RIN3: variants seen among roughly 807,000 people sequenced by gnomAD.
RIN3 encodes the protein RAB5 interacting protein 3.
RIN3 carries 54 observed loss-of-function variants against 76.3 expected under a neutral mutation model. The ratio of observed to expected loss-of-function variants is 0.71; its 90% CI spans 0.57 to 0.89. RIN3 has a LOEUF of 0.89. RIN3 is among the 40% of genes least tolerant of loss of function. The probability of loss-of-function intolerance (pLI) is 0.00; values close to 1 mark genes in which losing one functional copy is unlikely to be tolerated. For synonymous variants in RIN3, 576 were observed against 564.0 expected, an observed-to-expected ratio of 1.02 and a Z score of -0.30; for missense variants, 1,256 against 1,322.1, an observed-to-expected ratio of 0.95 and a Z score of 0.78.
chr14:92,653,103 G>C (rs1887536249), intron 6 of RIN3, 28 bp downstream of exon 6: 1 of 1,580,326 alleles, frequency 6.3e-7, no homozygotes, highest in Non-Finnish European at 8.6e-7. Context: ...AGGTGGCAGG[G>C]AGGAGAGGGC....
At chr14:92,654,766 A>C (rs1887602683) in intron 6 of RIN3, among the ~76,000 whole-genome samples, 1 of 152,030 alleles carries the variant, frequency 6.6e-6, no homozygotes, top group Non-Finnish European at 1.5e-5. Flanking sequence ...TGGGCACCCA[A>C]CTCCGCATCA....
chr14:92,551,656 C>A (rs570826202), intron 1 of RIN3, among the ~76,000 whole-genome samples: 12 of 152,236 alleles, frequency 7.9e-5, no homozygotes, highest in African/African-American at 2.9e-4. Context: ...GTGGTTGTGC[C>A]GTGGTATCGC....
chr14:92,564,348 C>T (rs1048158705), intron 2 of RIN3, among the ~76,000 whole-genome samples: 1 of 152,284 alleles, frequency 6.6e-6, no homozygotes, highest in Middle Eastern at 3.4e-3. Flanking sequence ...TGAAGATAGA[C>T]AGGAAGAGGG....
rs913712212 is a variant in RIN3 at position 92,687,753 on chromosome 14, G to C, written c.2632-173G>C. On this transcript the variant is annotated intron_variant, in intron 9 of 9. Coordinates refer to ENST00000216487, the MANE Select transcript of RIN3 (RefSeq NM_024832.5). The stretch of plus-strand genomic sequence containing the variant: ...CCCAGCTGGGAAGCCAGGCAGGGAG[G>C]GGGACGGGCCCCCCGCAGGCTCGCG... 5.2e-6 allele frequency: 3 copies of C among 575,870 alleles called. No individual in the cohort carries two copies. In the Admixed American group the frequency reaches 1.1e-4, roughly 22 times the overall value. 35.7% of individuals were successfully genotyped at this position (575,870 alleles called of 1,614,324 possible).
At position 92,607,211 on chromosome 14, in the gene RIN3, C is replaced by T. The variant is rs570861783; in HGVS notation, c.368-8196C>T. Among the ~76,000 whole-genome samples the T allele has an allele frequency of 2.6e-5, 4 of 152,334 alleles. No homozygotes were observed. The East Asian group carries it at 7.7e-4, about 29-fold the overall frequency. On this transcript the variant is annotated intron_variant, in intron 3 of 9. Transcript: ENST00000216487. ...ATTAAAACCACAATGAGATATCACT[C>T]TTCACCTATTGGAATGGTTAAAATA...
At chr14:92,567,325 A>G (rs1243309152) in intron 2 of RIN3, among the ~76,000 whole-genome samples, 2 of 152,188 alleles carry the variant, frequency 1.3e-5, no homozygotes, top group Non-Finnish European at 2.9e-5. Context: ...ACTATTTTAT[A>G]TTTGCTCACA....
chr14:92,651,993 C>T lies in RIN3; in HGVS notation c.944C>T (p.Pro315Leu), dbSNP rs752565166. ...CCTGCCTGTCCTTTGCCCACCTCTC[C>T]CCCAGTGCCTGCCCCCCACGTCACA... is the stretch of plus-strand genomic sequence containing the variant. Reference protein sequence around the residue: ...PAPACPLPTSPPVPAPHVTPH... With the variant: ...PAPACPLPTSLPVPAPHVTPH... The change falls in exon 6 of 10, where the codon CCC (proline) becomes CTC (leucine). Residue 315 changes from proline (P) to leucine (L), a missense_variant. Pro to Leu is a moderately conservative substitution (Grantham distance 98). This residue lies in a region of RIN3 where 610 missense variants were observed against 626.4 expected (regional missense o/e 0.97). Transcript: ENST00000216487. 1.2e-5 allele frequency: 19 copies of T among 1,534,974 alleles called. No homozygotes were observed. The East Asian group carries it at 3.9e-4, about 31-fold the overall frequency.
Position 92,652,864 on chromosome 14 carries a change from G to A in RIN3, c.1815G>A (p.Val605=), listed in dbSNP as rs781431707. ...ACAACCGCAAGCTGTACAAGAAGGT[G>A]GTGGAGCTGGCGCAGGACAAGGGCT... ...LSNNRKLYKK[V]VELAQDKGSY... The change falls in exon 6 of 10, where the codon GTG becomes GTA. Residue 605 remains valine, a synonymous_variant. Transcript: ENST00000216487. This position sits in a 1 kb window ranked among gnomAD's most constrained non-coding sequence, Gnocchi z 6.4. The A allele has an allele frequency of 1.9e-6, 3 of 1,614,146 alleles. No homozygotes were observed. Among genetic ancestry groups the A allele is most frequent in the East Asian group, 4.5e-5 (2 of 44,886 alleles).
At chr14:92,603,291 A>G (rs1012588880) in intron 3 of RIN3, among the ~76,000 whole-genome samples, 8 of 152,038 alleles carry the variant, frequency 5.3e-5, no homozygotes, top group African/African-American at 1.7e-4. Flanking sequence ...TTTTCAGCAC[A>G]TTTTCCCAAT....
At chr14:92,542,022 G>A (rs1190325417) in intron 1 of RIN3, among the ~76,000 whole-genome samples, 1 of 152,240 alleles carries the variant, frequency 6.6e-6, no homozygotes, top group Admixed American at 6.5e-5. Flanking sequence ...GTCAGGCGTG[G>A]TGGCCCATGC....
chr14:92,554,394 C>T (rs1289773050), intron 1 of RIN3, among the ~76,000 whole-genome samples: 1 of 152,120 alleles, frequency 6.6e-6, no homozygotes, highest in Middle Eastern at 3.2e-3. Context: ...TTTGCTGTTT[C>T]TTGGGTCTGT....
intron 2 of RIN3, among the ~76,000 whole-genome samples, chr14:92,564,372 G>C (rs556696397): frequency 6.6e-6 from 1 of 152,090 alleles, no homozygotes; most frequent in African/African-American, 2.4e-5. Context: ...GCAGACTGGC[G>C]GTACCATTTC....
Position 92,513,929 on chromosome 14 carries a change from C to G in RIN3, c.-4C>G. On this transcript the variant is annotated 5_prime_UTR_variant, in exon 1 of 10. Transcript: ENST00000216487. ...CCGTTCCCCGTCCCGGAGCTGCCGG[C>G]GGCATGATCCGACACGCCGGGGCGC... 8.0e-7 allele frequency: 1 copy of G among 1,248,342 alleles called. No homozygotes were observed. The highest frequency in any genetic ancestry group is 1.6e-5 in the African/African-American group (1 of 64,346). 77.3% of individuals were successfully genotyped at this position (1,248,342 alleles called of 1,614,324 possible).
chr14:92,526,283 C>A (rs897025954), intron 1 of RIN3, among the ~76,000 whole-genome samples: 5 of 152,020 alleles, frequency 3.3e-5, no homozygotes, highest in African/African-American at 7.3e-5. Flanking sequence ...TGGCGAAACC[C>A]CGTCTCTACT....
rs766940486 is a variant in RIN3, at chr14:92,685,165, C to T, written c.2631+15C>T. ...CCTCCGTACAGGTGAGGCCTGAGAG[C>T]GGGAGGGGCCCGGTGGGGCCATGTC... is the stretch of plus-strand genomic sequence containing the variant. On this transcript the variant is annotated intron_variant, in intron 9 of 9. Coordinates refer to ENST00000216487, the MANE Select transcript of RIN3 (RefSeq NM_024832.5). The surrounding 1 kb of genome is among the most constrained non-coding windows in gnomAD (Gnocchi z 4.7). The T allele has an allele frequency of 5.7e-6, 9 of 1,587,256 alleles. No homozygotes were observed. Among genetic ancestry groups the T allele is most frequent in the East Asian group, 2.3e-5 (1 of 43,756 alleles).
At chr14:92,649,213 C>T (rs1367838783) in intron 5 of RIN3, among the ~76,000 whole-genome samples, 8 of 152,150 alleles carry the variant, frequency 5.3e-5, no homozygotes, top group Admixed American at 1.3e-4. Context: ...GGTGTCCCGG[C>T]ACCAGTGGGC....
chr14:92,610,035 A>T (rs1349490890), intron 3 of RIN3, among the ~76,000 whole-genome samples: 1 of 152,156 alleles, frequency 6.6e-6, no homozygotes, highest in Admixed American at 6.6e-5. Flanking sequence ...GGCAGAAAAA[A>T]AAATTTTAAG....
chr14:92,609,809 G>A (rs1358596273), intron 3 of RIN3, among the ~76,000 whole-genome samples: 2 of 151,224 alleles, frequency 1.3e-5, no homozygotes, highest in Non-Finnish European at 2.9e-5. Context: ...ATAAAAAATC[G>A]CAGGAAAACA....
At chr14:92,578,220 A>T (rs183251399) in intron 3 of RIN3, among the ~76,000 whole-genome samples, 328 of 150,464 alleles carry the variant, frequency 2.2e-3, no homozygotes, top group Non-Finnish European at 3.4e-3. Flanking sequence ...TGGGTGACAG[A>T]GGGAGATCTG....
Sources: gnomAD v4.1 joint callset for allele counts (sites outside exome capture counted in the v4.1 genomes callset) on GRCh38, gnomAD v4.1.1 for gene constraint, gnomAD v4.1.1 regional missense constraint, Gnocchi (gnomAD v3.1) non-coding constraint, MANE v1.5 for transcripts, NCBI Gene and HGNC (gene_info 2026-07-23, HGNC 2026-07-21) for gene names.